ABCA8: variants seen among roughly 807,000 people sequenced by gnomAD.
ABCA8 encodes the protein ABC-type organic anion transporter ABCA8.
In ABCA8, 177 loss-of-function variants were observed where a neutral mutation model predicts 192.3. The observed-to-expected ratio is 0.92, with a 90% CI of 0.81 to 1.04. The LOEUF (loss-of-function observed/expected upper bound fraction) is 1.04, where lower values mean the gene tolerates loss of function less well. ABCA8 is among the 50% of genes least tolerant of loss of function. The pLI is 0.00. For missense variants in ABCA8, 1,915 were observed against 1,904.8 expected (o/e 1.01, Z -0.10); for synonymous variants, 642 against 690.2 (o/e 0.93, Z 1.09).
rs567735966 is a variant in ABCA8, at chr17:68,935,582, C to T, written c.466+1369G>A. Among the ~76,000 whole-genome samples the T allele has an allele frequency of 7.1e-3, 519 of 72,754 alleles. 2 individuals are homozygous for T. The highest frequency in any genetic ancestry group is 0.027 in the African/African-American group (497 of 18,186). 47.7% of individuals were successfully genotyped at this position (72,754 alleles called of 152,430 possible). A position where few individuals can be genotyped will look rare whatever the true frequency, so the allele number is the denominator to read the frequency against. ...TATATATATATATTATCTTCTTTATCCAGCCCTCTGTTGATGGACACTTAT... is the reference window on the plus strand; with the variant it reads ...TATATATATATATTATCTTCTTTATTCAGCCCTCTGTTGATGGACACTTAT... On this transcript the variant is annotated intron_variant, in intron 5 of 39. Transcript: ENST00000586539.
Position 68,906,103 on chromosome 17 carries a change from A to T in ABCA8, c.2339T>A (p.Met780Lys). 6 of 1,601,382 alleles carry T rather than the reference A, an allele frequency of 3.7e-6. No homozygotes were observed. The highest frequency in any genetic ancestry group is 5.1e-6 in the Non-Finnish European group (6 of 1,174,244). Residue 780 changes from methionine to lysine, a missense_variant, in exon 19 of 40, where the codon ATG becomes AAG. Met to Lys is a moderately conservative substitution (Grantham distance 95). Transcript: ENST00000586539. ...DLGIENYGVS[M>K]TTLNEVFLKL... is the part of the protein sequence containing the mutation. ...CAGGAATACTTCATTCAAAGTTGTC[A>T]TGGAAACACCATAATTCTCAATTCC...
chr17:68,916,709 C>A (rs1184641190), intron 17 of ABCA8, among the ~76,000 whole-genome samples: 1 of 151,684 alleles, frequency 6.6e-6, no homozygotes, highest in South Asian at 2.1e-4. Context: ...AGCAAGTAGC[C>A]GACTTAAGAA....
At position 68,887,453 on chromosome 17, in the gene ABCA8, C is replaced by A. The variant is rs776601001; in HGVS notation, c.3198G>T (p.Trp1066Cys). 6 of 1,613,614 alleles carry A rather than the reference C, an allele frequency of 3.7e-6. No individual in the cohort carries two copies. Among genetic ancestry groups the A allele is most frequent in the South Asian group, 2.2e-5 (2 of 90,888 alleles). ...AAACATCCACCAGCGCCTGCCCAAA[C>A]CAGTAAGCAGAAGGGGAGAGTCCGG... ...RISGLSPSAY[W>C]FGQALVDVSL... The change falls in exon 25 of 40, where the codon TGG becomes TGT. Residue 1066 changes from tryptophan (W) to cysteine (C), a missense_variant. Trp to Cys is a radical substitution (Grantham distance 215, BLOSUM62 -2). Coordinates refer to ENST00000586539, the MANE Select transcript of ABCA8 (RefSeq NM_001288985.2).
At chr17:68,893,683 C>G (rs1048231490) in intron 23 of ABCA8, among the ~76,000 whole-genome samples, 3 of 149,622 alleles carry the variant, frequency 2.0e-5, no homozygotes, top group Non-Finnish European at 4.4e-5. Flanking sequence ...GTGCTGGTCA[C>G]AGTGCTGTAA....
chr17:68,868,141 C>A lies in ABCA8; in HGVS notation c.4810G>T (p.Glu1604Ter), dbSNP rs2065960779. The change falls in exon 40 of 40, where the codon GAG becomes TAG. Residue 1604 changes from glutamate (E) to a stop codon, truncating the protein, a stop_gained. Transcript: ENST00000586539. LOFTEE classifies it high-confidence loss of function. ...TTCACTGAGGGATCAAAATCCTCCT[C>A]AAAATCACCCAGCTCCTGCTCCTTG... Reference protein sequence around the residue: ...LSKEQELGDFEEDFDPSVKWK... With the variant: ...LSKEQELGDF 1 of 1,613,002 alleles carries A rather than the reference C, an allele frequency of 6.2e-7. No homozygotes were observed. The highest frequency in any genetic ancestry group is 1.3e-5 in the African/African-American group (1 of 74,864).
At chr17:68,873,094 T>C (rs938579654) in intron 37 of ABCA8, among the ~76,000 whole-genome samples, 8 of 152,196 alleles carry the variant, frequency 5.3e-5, no homozygotes. Context: ...GTCTCACCAA[T>C]GGTCGCCCAG....
intron 1 of ABCA8, among the ~76,000 whole-genome samples, chr17:68,949,962 A>T (rs539288638): frequency 6.6e-6 from 1 of 152,344 alleles, no homozygotes; most frequent in East Asian, 1.9e-4. Flanking sequence ...GGCAAGAGAA[A>T]GAAATAAAGG....
intron 21 of ABCA8, among the ~76,000 whole-genome samples, chr17:68,901,159 T>C (rs1179259980): frequency 6.6e-6 from 1 of 152,224 alleles, no homozygotes; most frequent in Non-Finnish European, 1.5e-5. Context: ...GTAAATATCA[T>C]GAAATGCAAC....
At chr17:68,869,676 G>A (rs368567476) in intron 38 of ABCA8, 24 bp downstream of exon 38, 5 of 1,482,164 alleles carry the variant, frequency 3.4e-6, no homozygotes, top group African/African-American at 1.4e-5. Context: ...TTCCAGGGTC[G>A]TACTTCAAAG....
chr17:68,881,997 G>A lies in ABCA8; in HGVS notation c.3829-17C>T. The A allele has an allele frequency of 6.3e-7, 1 of 1,596,104 alleles. No homozygotes were observed. The highest frequency in any genetic ancestry group is 8.6e-7 in the Non-Finnish European group (1 of 1,163,908). Reference sequence around the variant, plus strand: ...GACTGGCTTCTGTAAATGACAAGAAGTTATTATGTCAGACCTTAATTCTCT... The same window carrying A: ...GACTGGCTTCTGTAAATGACAAGAAATTATTATGTCAGACCTTAATTCTCT... On this transcript the variant is annotated splice_polypyrimidine_tract_variant and intron_variant, in intron 30 of 39. Transcript: ENST00000586539.
intron 2 of ABCA8, among the ~76,000 whole-genome samples, chr17:68,948,174 T>G (rs540456622): frequency 1.3e-5 from 2 of 152,356 alleles, no homozygotes; most frequent in East Asian, 3.9e-4. Context: ...GTTCCAAGTC[T>G]TTGCTATTGT....
At chr17:68,913,877 A>G (rs2067283584) in intron 17 of ABCA8, among the ~76,000 whole-genome samples, 1 of 151,800 alleles carries the variant, frequency 6.6e-6, no homozygotes, top group African/African-American at 2.4e-5. Context: ...GAGGCCAGAT[A>G]TGACTGGAAT....
At chr17:68,922,215 T>TACC (rs2067560468) in intron 12 of ABCA8, 27 bp downstream of exon 12, 3 of 94,908 alleles carry the variant, frequency 3.2e-5, no homozygotes, top group South Asian at 1.0e-3. Context: ...TTTTTTTTTT[T>TACC]TTTTTTTTTT....
chr17:68,930,373 G>A (rs1019587272), intron 7 of ABCA8, among the ~76,000 whole-genome samples: 1 of 152,062 alleles, frequency 6.6e-6, no homozygotes, highest in Non-Finnish European at 1.5e-5. Context: ...CTTTAGTTCC[G>A]TTCATTGTTT....
At chr17:68,868,909 AT>A (rs1260076317) in intron 38 of ABCA8, among the ~76,000 whole-genome samples, 2 of 152,138 alleles carry the variant, frequency 1.3e-5, no homozygotes, top group African/African-American at 4.8e-5. Context: ...ACTGGGCTTA[AT>A]GCCAACCTGG....
rs201486243 is a variant in ABCA8, at chr17:68,940,391, G to A, written c.301+367C>T. Among the ~76,000 whole-genome samples the A allele has an allele frequency of 2.0e-5, 3 of 152,024 alleles. No homozygotes were observed. The East Asian group carries it at 5.8e-4, about 29-fold the overall frequency. ...AAGAACAAGAAAACACTACAGCAAC[G>A]ATTTCATTTTGGTGACAATGCTTTC... On this transcript the variant is annotated intron_variant, in intron 4 of 39. Transcript: ENST00000586539.
intron 26 of ABCA8, 40 bp downstream of exon 26, chr17:68,886,974 ATAT>A: frequency 7.3e-7 from 1 of 1,363,734 alleles, no homozygotes; most frequent in African/African-American, 1.5e-5. Flanking sequence ...TCAGAATTGT[ATAT>A]CAAATATATA....
chr17:68,953,332 T>G (rs2068620324), intron 1 of ABCA8, among the ~76,000 whole-genome samples: 1 of 152,226 alleles, frequency 6.6e-6, no homozygotes, highest in South Asian at 2.1e-4. Context: ...CATGCCATGT[T>G]GGCCATGCAG....
At chr17:68,937,898 TATC>T (rs754219699) in intron 4 of ABCA8, among the ~76,000 whole-genome samples, 150 of 152,260 alleles carry the variant, frequency 9.9e-4, no homozygotes, top group Non-Finnish European at 1.9e-3. Flanking sequence ...TATAGAATAA[TATC>T]ATTACAAAAT....
Sources: allele counts gnomAD v4.1 joint callset (sites outside exome capture counted in the v4.1 genomes callset), GRCh38; gene constraint gnomAD v4.1.1; transcripts MANE v1.5; gene names NCBI Gene and HGNC (gene_info 2026-07-23, HGNC 2026-07-21).